MSRA: variants seen among roughly 807,000 people sequenced by gnomAD.
The protein encoded by MSRA is mitochondrial peptide methionine sulfoxide reductase.
MSRA carries 54 observed loss-of-function variants against 31.3 expected under a neutral mutation model. That is an observed-to-expected ratio of 1.73 (90% CI 1.39 to 2.17). The LOEUF (loss-of-function observed/expected upper bound fraction) is 2.17, where lower values mean the gene tolerates loss of function less well. MSRA is among the 30% of genes most tolerant of loss of function. MSRA has a pLI of 0.00. For missense variants in MSRA, 507 were observed against 300.9 expected (o/e 1.69, Z -5.07); for synonymous variants, 169 against 116.5 (o/e 1.45, Z -2.90).
chr8:10,290,036 C>G (rs1044893079), intron 3 of MSRA, among the ~76,000 whole-genome samples: 1 of 152,164 alleles, frequency 6.6e-6, no homozygotes, highest in African/African-American at 2.4e-5. Flanking sequence ...TTAGTATGCC[C>G]ATTTTATAGA....
intron 3 of MSRA, among the ~76,000 whole-genome samples, chr8:10,296,112 G>A (rs1273770710): frequency 6.6e-6 from 1 of 152,188 alleles, no homozygotes; most frequent in Non-Finnish European, 1.5e-5. Context: ...TTTCTAGGGT[G>A]TGGATGAAGG....
At chr8:10,380,949 A>G (rs1249370550) in intron 5 of MSRA, among the ~76,000 whole-genome samples, 1 of 151,942 alleles carries the variant, frequency 6.6e-6, no homozygotes, top group East Asian at 1.9e-4. Flanking sequence ...GGAGGGAGGC[A>G]TGGATAGATG....
intron 3 of MSRA, among the ~76,000 whole-genome samples, chr8:10,253,812 A>G (rs191121442): frequency 7.2e-5 from 11 of 152,226 alleles, no homozygotes; most frequent in Admixed American, 1.3e-4. Context: ...TTACTTCATA[A>G]TGACTGACAA....
chr8:10,391,615 C>T (rs1253879034), intron 5 of MSRA, among the ~76,000 whole-genome samples: 1 of 152,238 alleles, frequency 6.6e-6, no homozygotes, highest in Non-Finnish European at 1.5e-5. Flanking sequence ...GATGAGGATA[C>T]TGGGTGAGTT....
At chr8:10,089,990 G>C (rs959147326) in intron 1 of MSRA, among the ~76,000 whole-genome samples, 3 of 152,196 alleles carry the variant, frequency 2.0e-5, no homozygotes, top group Admixed American at 6.5e-5. Context: ...ATTTCAACAT[G>C]AGACTTGGTG....
Position 10,167,107 on chromosome 8 carries a change from A to G in MSRA, c.143-40726A>G, listed in dbSNP as rs141134068. On this transcript the variant is annotated intron_variant, in intron 1 of 5. Coordinates refer to ENST00000317173, the MANE Select transcript of MSRA (RefSeq NM_012331.5). ...CCCCTCTTCTTCTTCCCTCCTCTCC[A>G]TTCTCTTCCAACACTGCTTCCCCAG... 4.5e-3 allele frequency among the ~76,000 whole-genome samples: 678 copies of G among 152,032 alleles called. 13 individuals carry two copies. Among genetic ancestry groups the G allele is most frequent in the African/African-American group, 0.016 (655 of 41,454 alleles).
intron 4 of MSRA, among the ~76,000 whole-genome samples, chr8:10,306,630 T>G (rs539191869): frequency 1.3e-5 from 2 of 152,324 alleles, no homozygotes; most frequent in East Asian, 3.9e-4. Context: ...TAAGGCTTCT[T>G]CTCACAGAGT....
intron 5 of MSRA, among the ~76,000 whole-genome samples, chr8:10,330,296 A>C (rs1198764375): frequency 6.6e-6 from 1 of 152,088 alleles, no homozygotes; most frequent in Non-Finnish European, 1.5e-5. Flanking sequence ...TATGATCCAG[A>C]AAATAGTTTT....
intron 1 of MSRA, among the ~76,000 whole-genome samples, chr8:10,194,657 G>T (rs776682573): frequency 1.3e-5 from 2 of 152,134 alleles, no homozygotes; most frequent in Admixed American, 6.6e-5. Flanking sequence ...GGCCTTCTAG[G>T]GTACTTACTT....
At chr8:10,399,464 G>C (rs771832781) in intron 5 of MSRA, among the ~76,000 whole-genome samples, 21 of 152,312 alleles carry the variant, frequency 1.4e-4, no homozygotes, top group Non-Finnish European at 2.5e-4. Flanking sequence ...TAGTTCACGT[G>C]AGGGTGTGGT....
At chr8:10,190,070 C>T (rs2129053155) in intron 1 of MSRA, among the ~76,000 whole-genome samples, 1 of 152,134 alleles carries the variant, frequency 6.6e-6, no homozygotes, top group Middle Eastern at 3.4e-3. Flanking sequence ...TGTGTAAGCT[C>T]TGTGATAAGC....
Position 10,126,989 on chromosome 8 carries a change from G to T in MSRA, c.142+72331G>T, listed in dbSNP as rs896148112. ...CTGCTGTGCGGCCTGGTTCCCAACA[G>T]GCCACAGCCTGGTCCACTAGCTAGG... is the stretch of plus-strand genomic sequence containing the variant. On this transcript the variant is annotated intron_variant, in intron 1 of 5. Transcript: ENST00000317173. 2.6e-5 allele frequency among the ~76,000 whole-genome samples: 4 copies of T among 152,242 alleles called. No homozygotes were observed. The East Asian group carries it at 7.7e-4, about 29-fold the overall frequency.
chr8:10,088,427 C>G (rs888572775), intron 1 of MSRA, among the ~76,000 whole-genome samples: 2 of 152,112 alleles, frequency 1.3e-5, no homozygotes, highest in Non-Finnish European at 2.9e-5. Context: ...GATGTGGAAA[C>G]TAAGATGTCT....
intron 1 of MSRA, among the ~76,000 whole-genome samples, chr8:10,169,208 G>C (rs950249629): frequency 6.6e-6 from 1 of 152,154 alleles, no homozygotes; most frequent in African/African-American, 2.4e-5. Context: ...CCCTTCATTG[G>C]TCTAATGGGC....
chr8:10,102,475 G>A (rs777942454), intron 1 of MSRA, among the ~76,000 whole-genome samples: 4 of 152,072 alleles, frequency 2.6e-5, no homozygotes, highest in Admixed American at 6.6e-5. Flanking sequence ...TCTTTACTGA[G>A]ACTTTCTGTT....
intron 1 of MSRA, among the ~76,000 whole-genome samples, chr8:10,180,870 T>G (rs904497101): frequency 3.9e-5 from 6 of 152,224 alleles, no homozygotes; most frequent in African/African-American, 1.4e-4. Context: ...GCTCCATCTA[T>G]TTCTTCACTA....
Position 10,361,996 on chromosome 8 carries a change from G to A in MSRA, c.543+42007G>A, listed in dbSNP as rs550470526. On this transcript the variant is annotated intron_variant, in intron 5 of 5. Coordinates refer to ENST00000317173, the MANE Select transcript of MSRA (RefSeq NM_012331.5). ...GCTTCCTTCCCTCCTCTCTCTTGTCGTTGTTTCATTTTGTTTTCGTCTTTT... is the reference window on the plus strand; with the variant it reads ...GCTTCCTTCCCTCCTCTCTCTTGTCATTGTTTCATTTTGTTTTCGTCTTTT... Among the ~76,000 whole-genome samples, 336 of 151,830 alleles carry A rather than the reference G, an allele frequency of 2.2e-3. 1 individual carries two copies. Among genetic ancestry groups the A allele is most frequent in the Non-Finnish European group, 3.5e-3 (240 of 67,946 alleles).
chr8:10,149,920 G>T (rs3902218), intron 1 of MSRA, among the ~76,000 whole-genome samples: 16,195 of 19,918 alleles, frequency 0.81, 6,865 homozygotes, highest in East Asian at 0.93. Flanking sequence ...TTTTTTTTTT[G>T]GCCAACTTTA....
intron 1 of MSRA, among the ~76,000 whole-genome samples, chr8:10,094,321 C>A (rs1029459582): frequency 2.0e-5 from 3 of 152,256 alleles, no homozygotes; most frequent in South Asian, 2.1e-4. Context: ...ATTTGTTGGA[C>A]AGCTGTATAT....
Sources: allele counts gnomAD v4.1 joint callset (sites outside exome capture counted in the v4.1 genomes callset), GRCh38; gene constraint gnomAD v4.1.1; transcripts MANE v1.5; gene names NCBI Gene and HGNC (gene_info 2026-07-23, HGNC 2026-07-21).